Variants in GRIN2B observed in about 807,000 individuals in gnomAD.
GRIN2B encodes the protein glutamate receptor ionotropic, NMDA 2B.
GRIN2B carries 5 observed loss-of-function variants against 114.5 expected under a neutral mutation model. That is an observed-to-expected ratio of 0.04 (90% CI 0.02 to 0.09). GRIN2B has a LOEUF of 0.09. Ranked by LOEUF, GRIN2B falls within the 10% of genes least tolerant of loss-of-function variation. The pLI is 1.00. For synonymous variants in GRIN2B, 787 were observed against 745.1 expected, an observed-to-expected ratio of 1.06 and a Z score of -0.92; for missense variants, 1,108 against 1,943.5, an observed-to-expected ratio of 0.57 and a Z score of 8.08.
intron 2 of GRIN2B, among the ~76,000 whole-genome samples, chr12:13,947,394 G>A (rs1867380944): frequency 6.6e-6 from 1 of 152,136 alleles, no homozygotes; most frequent in African/African-American, 2.4e-5. Context: ...CCATAGGGAT[G>A]AGTCAGCAGC....
chr12:13,717,333 G>T (rs1950464921), intron 4 of GRIN2B, among the ~76,000 whole-genome samples: 1 of 151,858 alleles, frequency 6.6e-6, no homozygotes, highest in Non-Finnish European at 1.5e-5. Flanking sequence ...TAAAATAAAA[G>T]CAAGGCAATG....
intron 3 of GRIN2B, among the ~76,000 whole-genome samples, chr12:13,845,419 T>C (rs936969886): frequency 3.3e-5 from 5 of 152,184 alleles, no homozygotes; most frequent in African/African-American, 1.2e-4. Context: ...TTTGCCCTTG[T>C]CCTCACCTCT....
chr12:13,905,610 TG>T (rs926697126), intron 2 of GRIN2B, among the ~76,000 whole-genome samples: 5 of 151,984 alleles, frequency 3.3e-5, no homozygotes, highest in African/African-American at 1.2e-4. Context: ...AATGAAGGAG[TG>T]GGGAGGTGGT....
At chr12:13,743,724 C>A (rs1863324479) in intron 4 of GRIN2B, among the ~76,000 whole-genome samples, 2 of 151,792 alleles carry the variant, frequency 1.3e-5, no homozygotes, top group African/African-American at 4.8e-5. Flanking sequence ...TAAAAGAAGC[C>A]TTCACATGTT....
chr12:13,833,534 C>T (rs1865192020), intron 3 of GRIN2B, among the ~76,000 whole-genome samples: 1 of 152,118 alleles, frequency 6.6e-6, no homozygotes, highest in Non-Finnish European at 1.5e-5. Flanking sequence ...CCTGAAGGAC[C>T]TCTGAGCCCA....
intron 2 of GRIN2B, among the ~76,000 whole-genome samples, chr12:13,947,143 G>A (rs770255714): frequency 6.6e-6 from 1 of 152,148 alleles, no homozygotes; most frequent in Admixed American, 6.6e-5. Flanking sequence ...AAGTCTTCAT[G>A]TACTCACAAA....
chr12:13,925,334 A>G (rs1866894755), intron 2 of GRIN2B, among the ~76,000 whole-genome samples: 1 of 152,216 alleles, frequency 6.6e-6, no homozygotes, highest in Non-Finnish European at 1.5e-5. Flanking sequence ...GAAGAAATTA[A>G]GGAGTAATTT....
At chr12:13,950,028 T>C (rs1867451060) in intron 2 of GRIN2B, among the ~76,000 whole-genome samples, 1 of 152,056 alleles carries the variant, frequency 6.6e-6, no homozygotes, top group Admixed American at 6.5e-5. Context: ...TTACAGAACC[T>C]AAGAAGAAAA....
intron 2 of GRIN2B, among the ~76,000 whole-genome samples, chr12:13,964,404 C>T (rs1037170729): frequency 2.6e-5 from 4 of 152,188 alleles, no homozygotes; most frequent in Admixed American, 2.0e-4. Flanking sequence ...TGGCCACAAA[C>T]CTTCATAAAC....
chr12:13,569,252 G>A (rs1394895799), intron 12 of GRIN2B, among the ~76,000 whole-genome samples: 1 of 152,100 alleles, frequency 6.6e-6, no homozygotes, highest in Non-Finnish European at 1.5e-5. Context: ...TATATATGTT[G>A]AAGTCCTAAC....
chr12:13,933,840 C>A (rs1179142409), intron 2 of GRIN2B, among the ~76,000 whole-genome samples: 1 of 152,150 alleles, frequency 6.6e-6, no homozygotes, highest in Non-Finnish European at 1.5e-5. Flanking sequence ...CAGGTCTAAG[C>A]TAACAGAATG....
intron 4 of GRIN2B, among the ~76,000 whole-genome samples, chr12:13,717,766 G>A (rs1247904078): frequency 1.3e-5 from 2 of 151,982 alleles, no homozygotes; most frequent in Non-Finnish European, 2.9e-5. Context: ...ACTGGAGGTG[G>A]AAGTAGAGGC....
rs1231266922 is a variant in GRIN2B, at chr12:13,538,148, T to C, written c.*24635A>G. The C allele has an allele frequency of 1.3e-5, 2 of 152,022 alleles. No homozygotes were observed. Among genetic ancestry groups the C allele is most frequent in the Admixed American group, 6.6e-5 (1 of 15,260 alleles). 9.4% of individuals were successfully genotyped at this position (152,022 alleles called of 1,614,324 possible). A position where few individuals can be genotyped will look rare whatever the true frequency, so the allele number is the denominator to read the frequency against. On this transcript the variant is annotated 3_prime_UTR_variant, in exon 14 of 14. Transcript: ENST00000609686. ...CCTAGTGATGTATGCAGGGGAAGAG[T>C]GTCAATCCTGGGACAGCCAAGGAGG...
chr12:13,652,505 G>A (rs983225297), intron 5 of GRIN2B, among the ~76,000 whole-genome samples: 3 of 151,882 alleles, frequency 2.0e-5, no homozygotes, highest in Non-Finnish European at 2.9e-5. Flanking sequence ...AGGAATATTG[G>A]CCCTTCTAGA....
intron 10 of GRIN2B, 112 bp downstream of exon 10, chr12:13,608,491 G>C: frequency 1.3e-6 from 1 of 762,490 alleles, no homozygotes; most frequent in Non-Finnish European, 2.3e-6. Flanking sequence ...GAAAACATAA[G>C]AAAGAACGGT....
chr12:13,927,759 G>C (rs1003041825), intron 2 of GRIN2B, among the ~76,000 whole-genome samples: 3 of 150,702 alleles, frequency 2.0e-5, no homozygotes, highest in Admixed American at 6.6e-5. Context: ...TACAAGACCA[G>C]CCTGGGCTAC....
At chr12:13,571,547 T>TCTTATTTCATGGTTA (rs1219913538) in intron 11 of GRIN2B, among the ~76,000 whole-genome samples, 2 of 152,216 alleles carry the variant, frequency 1.3e-5, no homozygotes, top group Non-Finnish European at 2.9e-5. Context: ...TTTATTTCAC[T>TCTTATTTCATGGTTA]CTTATTTCAT....
intron 3 of GRIN2B, among the ~76,000 whole-genome samples, chr12:13,768,446 A>C (rs1863841067): frequency 6.6e-6 from 1 of 152,220 alleles, no homozygotes; most frequent in African/African-American, 2.4e-5. Flanking sequence ...GGGCACTGTG[A>C]AGTAATGAGG....
chr12:13,579,956 A>T (rs759197734), intron 10 of GRIN2B, among the ~76,000 whole-genome samples: 3 of 152,172 alleles, frequency 2.0e-5, no homozygotes, highest in Non-Finnish European at 2.9e-5. Context: ...ATCAATTTAC[A>T]CCAGAGGAAC....
Sources: gnomAD v4.1 joint callset for allele counts (sites outside exome capture counted in the v4.1 genomes callset) on GRCh38, gnomAD v4.1.1 for gene constraint, MANE v1.5 for transcripts, NCBI Gene and HGNC (gene_info 2026-07-23, HGNC 2026-07-21) for gene names.